The following TMEM131L variants were observed in gnomAD, a reference collection of about 807,000 sequenced individuals.
TMEM131L encodes the protein transmembrane 131 like.
A neutral mutation model predicts 192.2 loss-of-function variants in TMEM131L; 54 were observed. The observed-to-expected ratio is 0.28, with a 90% CI of 0.23 to 0.35. The LOEUF (loss-of-function observed/expected upper bound fraction) is 0.35. Ranked by LOEUF, TMEM131L falls within the 10% of genes least tolerant of loss-of-function variation. The pLI is 1.00. For synonymous variants in TMEM131L, 701 were observed against 704.9 expected (o/e 0.99, Z 0.09); for missense variants, 1,888 against 1,972.9 (o/e 0.96, Z 0.82).
chr4:153,512,462 T>A (rs1734420005), intron 3 of TMEM131L, among the ~76,000 whole-genome samples: 1 of 152,198 alleles, frequency 6.6e-6, no homozygotes, highest in South Asian at 2.1e-4. Flanking sequence ...GATTGGATAT[T>A]TTTAAGTCAT....
chr4:153,621,652 G>A, intron 27 of TMEM131L, 31 bp from the exon 28 acceptor site: 1 of 1,608,396 alleles, frequency 6.2e-7, no homozygotes, highest in Non-Finnish European at 8.5e-7. Context: ...AAATACAGAT[G>A]TGTTTTTTTG....
At chr4:153,576,358 C>T (rs1729940832) in intron 7 of TMEM131L, among the ~76,000 whole-genome samples, 1 of 152,002 alleles carries the variant, frequency 6.6e-6, no homozygotes, top group Non-Finnish European at 1.5e-5. Context: ...GCTAGAACTC[C>T]CCCTTGTGGG....
chr4:153,586,447 G>A, intron 14 of TMEM131L, 68 bp downstream of exon 14: 2 of 1,208,860 alleles, frequency 1.7e-6, no homozygotes, highest in South Asian at 1.6e-5. Flanking sequence ...TTAACCTTTA[G>A]TGCTTGAGTT....
intron 3 of TMEM131L, among the ~76,000 whole-genome samples, chr4:153,492,700 C>G (rs1732872077): frequency 6.6e-6 from 1 of 152,188 alleles, no homozygotes; most frequent in African/African-American, 2.4e-5. Flanking sequence ...AGAGAAGGAA[C>G]ATGTGACTTG....
chr4:153,608,617 A>G (rs1192756186), intron 25 of TMEM131L, among the ~76,000 whole-genome samples: 1 of 152,234 alleles, frequency 6.6e-6, no homozygotes, highest in Non-Finnish European at 1.5e-5. Context: ...ACAGTACCTG[A>G]AAGTTTTCAC....
At chr4:153,529,305 A>G (rs1735725578) in intron 3 of TMEM131L, among the ~76,000 whole-genome samples, 1 of 152,228 alleles carries the variant, frequency 6.6e-6, no homozygotes, top group African/African-American at 2.4e-5. Context: ...TAAAATGTAG[A>G]TGGGATGGAA....
chr4:153,490,613 G>C lies in TMEM131L; in HGVS notation c.239+16725G>C, dbSNP rs574730730. 3.3e-5 allele frequency among the ~76,000 whole-genome samples: 5 copies of C among 152,208 alleles called. No homozygotes were observed. The South Asian group carries it at 1.0e-3, about 32-fold the overall frequency. On this transcript the variant is annotated intron_variant, in intron 3 of 34. Coordinates refer to ENST00000409959, the MANE Select transcript of TMEM131L (RefSeq NM_001131007.2). ...TAAAGTTATTGTGAGTACTGGAAGGGCTCATGAAAGTTATGTTGCTCCTTG... is the reference window on the plus strand; with the variant it reads ...TAAAGTTATTGTGAGTACTGGAAGGCCTCATGAAAGTTATGTTGCTCCTTG...
intron 3 of TMEM131L, among the ~76,000 whole-genome samples, chr4:153,523,886 G>A (rs568292587): frequency 4.3e-4 from 66 of 152,238 alleles, no homozygotes; most frequent in African/African-American, 1.6e-3. Flanking sequence ...GATACCCAAG[G>A]TTTTACCTAA....
intron 26 of TMEM131L, among the ~76,000 whole-genome samples, chr4:153,613,561 G>T (rs1732775744): frequency 1.3e-5 from 2 of 152,086 alleles, no homozygotes; most frequent in Non-Finnish European, 2.9e-5. Flanking sequence ...ATGTATTGAA[G>T]AAATAATTAT....
Position 153,488,513 on chromosome 4 carries a change from C to T in TMEM131L, c.239+14625C>T, listed in dbSNP as rs534412914. 2.6e-5 allele frequency among the ~76,000 whole-genome samples: 4 copies of T among 152,310 alleles called. No homozygotes were observed. In the East Asian group the frequency reaches 7.7e-4, roughly 29 times the overall value. On this transcript the variant is annotated intron_variant, in intron 3 of 34. Coordinates refer to ENST00000409959, the MANE Select transcript of TMEM131L (RefSeq NM_001131007.2). ...ACAAGGGCCTGGGCCTGGGATAGCC[C>T]AGCCTGTTGTGTGCCACTTACAGGG...
chr4:153,517,074 C>T (rs1280505390), intron 3 of TMEM131L, among the ~76,000 whole-genome samples: 1 of 152,176 alleles, frequency 6.6e-6, no homozygotes, highest in Non-Finnish European at 1.5e-5. Flanking sequence ...ATCCACCCAC[C>T]TCGGCCTCCC....
chr4:153,582,124 G>A (rs1237085154), intron 9 of TMEM131L, among the ~76,000 whole-genome samples: 2 of 152,158 alleles, frequency 1.3e-5, no homozygotes, highest in Non-Finnish European at 2.9e-5. Flanking sequence ...AATTCCTAAC[G>A]TAGAGTATAC....
In TMEM131L at chr4:153,632,768, A is replaced by G. The variant is rs1734300179; in HGVS notation, c.4258A>G (p.Ser1420Gly). The G allele has an allele frequency of 6.2e-7, 1 of 1,614,116 alleles. No homozygotes were observed. The change falls in exon 32 of 35, where the codon AGC (serine) becomes GGC (glycine). Residue 1420 changes from serine (S) to glycine (G), a missense_variant. Transcript: ENST00000409959. ...LWPTPPVCVTSSLNCTLENGV... is the reference protein window; with the variant it reads ...LWPTPPVCVTGSLNCTLENGV... ...GCCCACTCCGCCAGTGTGTGTGACAAGCAGCTTAAACTGCACCCTGGAGAA... is the reference window on the plus strand; with the variant it reads ...GCCCACTCCGCCAGTGTGTGTGACAGGCAGCTTAAACTGCACCCTGGAGAA...
At chr4:153,612,657 A>T (rs1487601142) in intron 26 of TMEM131L, among the ~76,000 whole-genome samples, 1 of 152,182 alleles carries the variant, frequency 6.6e-6, no homozygotes. Context: ...CTAGGTAATG[A>T]TGGCAGAGTA....
chr4:153,493,914 A>G (rs771129387), intron 3 of TMEM131L, among the ~76,000 whole-genome samples: 6 of 152,222 alleles, frequency 3.9e-5, no homozygotes, highest in Non-Finnish European at 7.3e-5. Context: ...TCATTTTCTT[A>G]GTGGTGGCTG....
chr4:153,555,892 A>T lies in TMEM131L; in HGVS notation c.414A>T (p.Val138=). ...TTGCAGCTGCTGGACATTTCCATGTACCGCCAGTTCCCTGCAGGGTGGGTG... is the reference window on the plus strand; with the variant it reads ...TTGCAGCTGCTGGACATTTCCATGTTCCGCCAGTTCCCTGCAGGGTGGGTG... The part of the protein sequence containing the change: ...SVFAAAGHFH[V]PPVPCRVIPA... The change falls in exon 5 of 35, where the codon GTA becomes GTT. Residue 138 remains valine, a synonymous_variant. Coordinates refer to ENST00000409959, the MANE Select transcript of TMEM131L (RefSeq NM_001131007.2). This position sits in a 1 kb window ranked among gnomAD's most constrained non-coding sequence, Gnocchi z 4.1. 6.4e-7 allele frequency: 1 copy of T among 1,551,470 alleles called. No homozygotes were observed. Among genetic ancestry groups the T allele is most frequent in the Non-Finnish European group, 8.7e-7 (1 of 1,146,886 alleles).
intron 30 of TMEM131L, 101 bp from the exon 31 acceptor site, chr4:153,627,504 A>T: frequency 1.2e-6 from 1 of 801,324 alleles, no homozygotes; most frequent in Non-Finnish European, 2.1e-6. Context: ...CTTCCCCAAG[A>T]CTTCAATTGA....
At chr4:153,602,989 GGAT>G (rs1279663761) in intron 23 of TMEM131L, among the ~76,000 whole-genome samples, 1 of 152,142 alleles carries the variant, frequency 6.6e-6, no homozygotes, top group Non-Finnish European at 1.5e-5. Flanking sequence ...CAGTCATGGT[GGAT>G]GATATGAATG....
chr4:153,476,116 G>A (rs1174456917), intron 3 of TMEM131L, among the ~76,000 whole-genome samples: 2 of 151,912 alleles, frequency 1.3e-5, no homozygotes, highest in African/African-American at 4.8e-5. Context: ...ACACAATCAC[G>A]CCCGGCTAAT....
Sources: allele counts gnomAD v4.1 joint callset (sites outside exome capture counted in the v4.1 genomes callset), GRCh38; gene constraint gnomAD v4.1.1; non-coding constraint Gnocchi (gnomAD v3.1); transcripts MANE v1.5; gene names NCBI Gene and HGNC (gene_info 2026-07-23, HGNC 2026-07-21).